NMBR: variants seen among roughly 807,000 people sequenced by gnomAD.
The protein encoded by NMBR is neuromedin B receptor, also known as neuromedin-B receptor.
NMBR carries 16 observed loss-of-function variants against 20.5 expected under a neutral mutation model. The observed-to-expected ratio is 0.78, with a 90% confidence interval of 0.53 to 1.19. NMBR has a LOEUF of 1.19. NMBR is among the 50% of genes most tolerant of loss of function. The pLI is 0.00. For missense variants in NMBR, 582 were observed against 499.1 expected (o/e 1.17, Z -1.58); for synonymous variants, 212 against 196.6 (o/e 1.08, Z -0.65).
chr6:142,083,319 T>C (rs1777135350), intron 2 of NMBR, among the ~76,000 whole-genome samples: 2 of 152,220 alleles, frequency 1.3e-5, no homozygotes, highest in Admixed American at 6.5e-5. Context: ...AATTTTTCTT[T>C]TTGAAAAGGC....
At chr6:142,091,558 A>G (rs1171841200) in intron 1 of NMBR, among the ~76,000 whole-genome samples, 1 of 152,184 alleles carries the variant, frequency 6.6e-6, no homozygotes, top group Non-Finnish European at 1.5e-5. Flanking sequence ...AATATGTCAT[A>G]TACCATATTA....
At chr6:142,102,624 T>G (rs1777585875) in intron 1 of NMBR, among the ~76,000 whole-genome samples, 1 of 152,132 alleles carries the variant, frequency 6.6e-6, no homozygotes, top group Non-Finnish European at 1.5e-5. Context: ...CTCCTAACAA[T>G]GTTCTCTTTA....
At chr6:142,078,444 G>A in intron 3 of NMBR, 111 bp downstream of exon 3, 1 of 640,158 alleles carries the variant, frequency 1.6e-6, no homozygotes. Context: ...GGCCTGTGAA[G>A]GCCCAACTCT....
chr6:142,091,019 G>A (rs532025354), intron 1 of NMBR, among the ~76,000 whole-genome samples: 311 of 152,110 alleles, frequency 2.0e-3, no homozygotes, highest in Non-Finnish European at 3.4e-3. Flanking sequence ...AAATTTATAT[G>A]TATTTACTTA....
intron 1 of NMBR, among the ~76,000 whole-genome samples, chr6:142,126,741 T>G (rs1473719551): frequency 6.8e-6 from 1 of 147,300 alleles, no homozygotes; most frequent in Non-Finnish European, 1.5e-5. Context: ...CATTTTTGAG[T>G]CAGGTTATTT....
intron 1 of NMBR, among the ~76,000 whole-genome samples, chr6:142,123,798 C>G (rs1048746381): frequency 6.6e-6 from 1 of 151,858 alleles, no homozygotes; most frequent in Non-Finnish European, 1.5e-5. Context: ...AAGGATATGG[C>G]GAGGCTGCAA....
At chr6:142,102,795 T>A (rs951201097) in intron 1 of NMBR, among the ~76,000 whole-genome samples, 2 of 152,188 alleles carry the variant, frequency 1.3e-5, no homozygotes, top group Non-Finnish European at 2.9e-5. Flanking sequence ...AAGTTGTCCG[T>A]GTATAAGGCT....
chr6:142,086,585 G>A (rs1299807971), intron 2 of NMBR, among the ~76,000 whole-genome samples: 1 of 152,084 alleles, frequency 6.6e-6, no homozygotes, highest in East Asian at 1.9e-4. Flanking sequence ...TGGTAGACAA[G>A]GGTAGCCTAC....
In NMBR at chr6:142,078,745, C is replaced by A; in HGVS notation, c.581G>T (p.Ser194Ile). 5 of 1,613,880 alleles carry A rather than the reference C, an allele frequency of 3.1e-6. No individual in the cohort carries two copies. The highest frequency in any genetic ancestry group is 4.2e-6 in the Non-Finnish European group (5 of 1,180,012). The change falls in exon 3 of 4, where the codon AGC becomes ATC. Residue 194 changes from serine to isoleucine, a missense_variant. Coordinates refer to ENST00000258042, the MANE Select transcript of NMBR (RefSeq NM_002511.4). ...VARISSLDNS[S>I]FTACIPYPQT... Reference sequence around the variant, plus strand: ...AGGGTATGGGATACATGCTGTGAAGCTGCTATTATCCAAGCTACTGATGCG... The same window carrying A: ...AGGGTATGGGATACATGCTGTGAAGATGCTATTATCCAAGCTACTGATGCG...
At chr6:142,126,786 T>A (rs113351858) in intron 1 of NMBR, among the ~76,000 whole-genome samples, 1,507 of 134,388 alleles carry the variant, frequency 0.011, 20 homozygotes, top group South Asian at 0.047. Context: ...TTTTTTGCTG[T>A]TGAGTTGTAT....
At position 142,075,691 on chromosome 6, in the gene NMBR, A is replaced by C. The variant is rs371294748; in HGVS notation, c.1130T>G (p.Val377Gly). Residue 377 changes from valine to glycine, a missense_variant, in exon 4 of 4, where the codon GTT (valine) becomes GGT (glycine). Val to Gly is a moderately radical substitution (Grantham distance 109). Transcript: ENST00000258042. ...SNAKNMVTNS[V>G]LLNGHSMKQE... ...CTTCATGCTGTGCCCATTTAGTAAA[A>C]CAGAATTGGTCACCATGTTCTTAGC... 9 of 1,613,384 alleles carry C rather than the reference A, an allele frequency of 5.6e-6. No individual in the cohort carries two copies. In the African/African-American group the frequency reaches 1.2e-4, roughly 22 times the overall value.
chr6:142,103,862 T>TA (rs1198691588), intron 1 of NMBR, among the ~76,000 whole-genome samples: 1 of 152,180 alleles, frequency 6.6e-6, no homozygotes, highest in Non-Finnish European at 1.5e-5. Context: ...ATCTTTTCAT[T>TA]AAAGTGTTGA....
intron 1 of NMBR, chr6:142,133,224 A>G: frequency 1.5e-6 from 1 of 645,360 alleles, no homozygotes; most frequent in Non-Finnish European, 2.8e-6. Context: ...CAAAAAATCA[A>G]TTGTATGAGT....
chr6:142,078,671 C>T lies in NMBR; in HGVS notation c.655G>A (p.Val219Ile), dbSNP rs751810826. The change falls in exon 3 of 4, where the codon GTC (valine) becomes ATC (isoleucine). Residue 219 changes from valine (V) to isoleucine (I), a missense_variant. By Grantham distance (29) the Val-to-Ile change is conservative. Coordinates refer to ENST00000258042, the MANE Select transcript of NMBR (RefSeq NM_002511.4). The part of the protein sequence containing the change: ...PKIHSVLIFL[V>I]YFLIPLAIIS... ...ATAGCAAGTGGTATGAGGAAATAGACCAAGAAAATGAGCACTGAATGAATC... is the reference window on the plus strand; with the variant it reads ...ATAGCAAGTGGTATGAGGAAATAGATCAAGAAAATGAGCACTGAATGAATC... The T allele has an allele frequency of 1.2e-6, 2 of 1,613,396 alleles. No individual in the cohort carries two copies. The highest frequency in any genetic ancestry group is 3.3e-5 in the Admixed American group (2 of 59,972).
In NMBR at chr6:142,088,307, G is replaced by A. The variant is rs766898572; in HGVS notation, c.352C>T (p.Leu118=). The change falls in exon 2 of 4, where the codon CTG becomes TTG. Residue 118 remains leucine (L), a synonymous_variant. Coordinates refer to ENST00000258042, the MANE Select transcript of NMBR (RefSeq NM_002511.4). ...GAAGTGAGCTGGATGACAGGGATCA[G>A]TTTGCAGCCCACCTTGCCAAACATC... ...EWMFGKVGCK[L]IPVIQLTSVG... is the part of the protein sequence containing the mutation. The A allele has an allele frequency of 6.2e-7, 1 of 1,613,984 alleles. No individual in the cohort carries two copies. Among genetic ancestry groups the A allele is most frequent in the African/African-American group, 1.3e-5 (1 of 74,934 alleles).
At chr6:142,094,226 A>G (rs1167771458) in intron 1 of NMBR, among the ~76,000 whole-genome samples, 5 of 152,054 alleles carry the variant, frequency 3.3e-5, no homozygotes, top group African/African-American at 1.2e-4. Flanking sequence ...GTCCTTGCCC[A>G]TGCCTATGTC....
chr6:142,083,483 T>C (rs1489710925), intron 2 of NMBR, among the ~76,000 whole-genome samples: 1 of 152,156 alleles, frequency 6.6e-6, no homozygotes, highest in Non-Finnish European at 1.5e-5. Flanking sequence ...CTGCCTTACA[T>C]TCTCCTGTCG....
chr6:142,125,510 T>TGTGCATGCATATAC (rs1330890414), intron 1 of NMBR, among the ~76,000 whole-genome samples: 662 of 150,010 alleles, frequency 4.4e-3, no homozygotes, highest in Middle Eastern at 7.0e-3. Flanking sequence ...CACATATACA[T>TGTGCATGCATATAC]ACATACACAA....
chr6:142,078,931 T>G (rs1210371673), intron 2 of NMBR, 28 bp from the exon 3 acceptor site: 1 of 1,365,172 alleles, frequency 7.3e-7, no homozygotes, highest in Non-Finnish European at 9.8e-7. Flanking sequence ...CTCAAGTTAT[T>G]CCAGAAAGAA....
Sources: gnomAD v4.1 joint callset for allele counts (sites outside exome capture counted in the v4.1 genomes callset) on GRCh38, gnomAD v4.1.1 for gene constraint, MANE v1.5 for transcripts, NCBI Gene and HGNC (gene_info 2026-07-23, HGNC 2026-07-21) for gene names.